CRADD: variants seen among roughly 807,000 people sequenced by gnomAD.
CRADD encodes the protein death domain-containing protein CRADD.
A neutral mutation model predicts 15.5 loss-of-function variants in CRADD; 9 were observed. The observed-to-expected ratio is 0.58, with a 90% CI of 0.35 to 1.01. The LOEUF (loss-of-function observed/expected upper bound fraction) is 1.01, where lower values mean the gene tolerates loss of function less well. Among genes scored for constraint, CRADD ranks in the 50% least tolerant of loss-of-function variants. The pLI, the probability that CRADD is intolerant of heterozygous loss-of-function variation, is 0.02. For missense variants in CRADD, 227 were observed against 250.3 expected, an observed-to-expected ratio of 0.91 and a Z score of 0.63; for synonymous variants, 118 against 107.6, an observed-to-expected ratio of 1.10 and a Z score of -0.60.
At chr12:93,839,962 A>G (rs2137038940) in intron 2 of CRADD, among the ~76,000 whole-genome samples, 1 of 152,356 alleles carries the variant, frequency 6.6e-6, no homozygotes, top group East Asian at 1.9e-4. Flanking sequence ...ACCACAGGCC[A>G]TAAAGATACT....
chr12:93,731,253 C>T (rs1366285133), intron 2 of CRADD, among the ~76,000 whole-genome samples: 2 of 151,906 alleles, frequency 1.3e-5, no homozygotes, highest in Non-Finnish European at 2.9e-5. Flanking sequence ...TACATAGACT[C>T]CAGTTGAAAA....
chr12:93,756,556 T>C (rs1327373780), intron 2 of CRADD, among the ~76,000 whole-genome samples: 1 of 152,228 alleles, frequency 6.6e-6, no homozygotes, highest in East Asian at 1.9e-4. Flanking sequence ...TAAGCTGTTT[T>C]ATTCCAGGGC....
intron 2 of CRADD, among the ~76,000 whole-genome samples, chr12:93,710,345 CTT>C (rs34912218): frequency 4.0e-4 from 51 of 128,232 alleles, no homozygotes; most frequent in African/African-American, 1.1e-3. Flanking sequence ...TTTCCTTTTC[CTT>C]TTTTTTTTTT....
chr12:93,893,768 C>T (rs1229921248), intron 2 of CRADD, among the ~76,000 whole-genome samples: 3 of 151,834 alleles, frequency 2.0e-5, no homozygotes, highest in Admixed American at 6.6e-5. Context: ...TAGCCAGGCG[C>T]GGTAGCATGT....
chr12:93,850,475 C>G lies in CRADD; in HGVS notation c.*204C>G. 1 of 1,317,062 alleles carries G rather than the reference C, an allele frequency of 7.6e-7. No homozygotes were observed. Among genetic ancestry groups the G allele is most frequent in the Non-Finnish European group, 9.6e-7 (1 of 1,039,272 alleles). 81.6% of individuals were successfully genotyped at this position (1,317,062 alleles called of 1,614,324 possible). A position where few individuals can be genotyped will look rare whatever the true frequency, so the allele number is the denominator to read the frequency against. ...GATCTCCCATGTTGGCTCAACAATT[C>G]TTTGTTTTTAATTGCTTGAAGATTG... On this transcript the variant is annotated 3_prime_UTR_variant, in exon 3 of 3. Transcript: ENST00000332896. The surrounding 1 kb of genome is among the most constrained non-coding windows in gnomAD (Gnocchi z 4.0).
At chr12:93,799,061 A>G (rs978144867) in intron 2 of CRADD, among the ~76,000 whole-genome samples, 1 of 152,126 alleles carries the variant, frequency 6.6e-6, no homozygotes, top group African/African-American at 2.4e-5. Flanking sequence ...GGGAGAAAGG[A>G]CATGCATTTC....
intron 2 of CRADD, chr12:93,707,852 T>C (rs961123226): frequency 2.0e-5 from 3 of 152,210 alleles, no homozygotes; most frequent in African/African-American, 7.2e-5. Context: ...AGTGCAAATA[T>C]TAGTAGGTAG....
intron 2 of CRADD, among the ~76,000 whole-genome samples, chr12:93,749,284 G>C (rs927665239): frequency 1.3e-5 from 2 of 152,170 alleles, no homozygotes; most frequent in Non-Finnish European, 1.5e-5. Context: ...GGAGGAGCTT[G>C]GTGTGTTCTG....
chr12:93,769,152 C>G (rs1305080546), intron 2 of CRADD, among the ~76,000 whole-genome samples: 1 of 151,984 alleles, frequency 6.6e-6, no homozygotes, highest in Non-Finnish European at 1.5e-5. Context: ...ACAATCTCAG[C>G]TCACTGCAAT....
chr12:93,709,811 T>G (rs1956028990), intron 2 of CRADD, among the ~76,000 whole-genome samples: 1 of 152,254 alleles, frequency 6.6e-6, no homozygotes, highest in Non-Finnish European at 1.5e-5. Context: ...ATGGTAGTTC[T>G]GCTTTTAGGT....
intron 2 of CRADD, among the ~76,000 whole-genome samples, chr12:93,878,263 A>G (rs574568316): frequency 9.2e-5 from 14 of 152,270 alleles, no homozygotes; most frequent in Non-Finnish European, 2.1e-4. Context: ...GGCCCAGGGT[A>G]TGTCTAGAAA....
chr12:93,754,791 C>T (rs924389707), intron 2 of CRADD, among the ~76,000 whole-genome samples: 36 of 152,140 alleles, frequency 2.4e-4, no homozygotes, highest in African/African-American at 8.2e-4. Context: ...AAGACATTTT[C>T]CTATCTTCTT....
intron 2 of CRADD, among the ~76,000 whole-genome samples, chr12:93,782,834 A>G (rs1957227127): frequency 6.6e-6 from 1 of 152,216 alleles, no homozygotes; most frequent in South Asian, 2.1e-4. Context: ...ATGAATTAAT[A>G]TGAGGCCTAA....
chr12:93,795,388 A>T (rs757017395), intron 2 of CRADD, among the ~76,000 whole-genome samples: 4 of 152,182 alleles, frequency 2.6e-5, no homozygotes, highest in Non-Finnish European at 4.4e-5. Context: ...AGGTTAAAGA[A>T]GTACTGCACT....
intron 2 of CRADD, among the ~76,000 whole-genome samples, chr12:93,691,544 G>A (rs7960264): frequency 1.6e-4 from 24 of 152,268 alleles, no homozygotes; most frequent in South Asian, 4.2e-4. Context: ...ATGAGCCACC[G>A]TGCCTGGCCA....
exon 3 of CRADD, chr12:93,894,281 G>A: frequency 1.9e-6 from 1 of 537,572 alleles, no homozygotes; most frequent in Non-Finnish European, 3.4e-6. Context: ...TGGGCGGGGG[G>A]CAGGGGATTA....
chr12:93,827,214 A>G (rs576497135), intron 2 of CRADD, among the ~76,000 whole-genome samples: 1 of 152,244 alleles, frequency 6.6e-6, no homozygotes, highest in Non-Finnish European at 1.5e-5. Flanking sequence ...GTCCCTCTAT[A>G]ATTCCTTCTT....
In CRADD at chr12:93,699,077, G is replaced by GT. The variant is rs200422004; in HGVS notation, c.298+20012dup. ...TGTGGCTTTTCCCAAAAAAGCTTTG[G>GT]TTTTTTTCTTATGACCGGAATCAGC... On this transcript the variant is annotated intron_variant, in intron 2 of 2. Coordinates refer to ENST00000332896, the MANE Select transcript of CRADD (RefSeq NM_003805.5). Among the ~76,000 whole-genome samples, 1,419 of 152,262 alleles carry GT rather than the reference G, an allele frequency of 9.3e-3. 17 individuals are homozygous for GT. Among genetic ancestry groups the GT allele is most frequent in the African/African-American group, 0.033 (1,358 of 41,552 alleles).
chr12:93,777,163 C>T (rs556436854), intron 2 of CRADD, among the ~76,000 whole-genome samples: 14 of 152,256 alleles, frequency 9.2e-5, no homozygotes, highest in African/African-American at 2.9e-4. Flanking sequence ...CCATAGCCAG[C>T]GAGCCAGGCA....
Sources: allele counts gnomAD v4.1 joint callset (sites outside exome capture counted in the v4.1 genomes callset), GRCh38; gene constraint gnomAD v4.1.1; non-coding constraint Gnocchi (gnomAD v3.1); transcripts MANE v1.5; gene names NCBI Gene and HGNC (gene_info 2026-07-23, HGNC 2026-07-21).